Variants in C16orf78 observed in about 807,000 individuals in gnomAD.
C16orf78 encodes uncharacterized protein C16orf78.
Under a neutral mutation model 27.3 loss-of-function variants are expected in C16orf78, and 19 were observed. The ratio of observed to expected loss-of-function variants is 0.70; its 90% confidence interval spans 0.49 to 1.02. C16orf78 has a LOEUF of 1.02. Ranked by LOEUF, C16orf78 falls within the 50% of genes least tolerant of loss-of-function variation. The probability of loss-of-function intolerance (pLI) is 0.00; values close to 1 mark genes in which losing one functional copy is unlikely to be tolerated. For synonymous variants in C16orf78, 130 were observed against 116.1 expected, an observed-to-expected ratio of 1.12 and a Z score of -0.77; for missense variants, 339 against 337.0, an observed-to-expected ratio of 1.01 and a Z score of -0.05.
intron 1 of C16orf78, among the ~76,000 whole-genome samples, chr16:49,375,341 T>A (rs953516982): frequency 5.3e-5 from 8 of 150,786 alleles, no homozygotes; most frequent in Non-Finnish European, 8.9e-5. Flanking sequence ...AAAAAAAAAA[T>A]AAAAAAAAAT....
intron 3 of C16orf78, among the ~76,000 whole-genome samples, chr16:49,387,581 C>T (rs1452245125): frequency 1.3e-5 from 2 of 152,246 alleles, no homozygotes; most frequent in Middle Eastern, 3.4e-3. Context: ...GGGAGGAGTC[C>T]CTCCTCCTCA....
chr16:49,375,992 G>C (rs1965212107), intron 1 of C16orf78, among the ~76,000 whole-genome samples: 1 of 152,202 alleles, frequency 6.6e-6, no homozygotes, highest in South Asian at 2.1e-4. Flanking sequence ...TAGAGAGGGA[G>C]CAAGTTTACA....
rs375577383 is a variant in C16orf78, at chr16:49,395,701, T to C, written c.395-722T>C. On this transcript the variant is annotated intron_variant, in intron 3 of 4. Coordinates refer to ENST00000299191, the MANE Select transcript of C16orf78 (RefSeq NM_144602.4). ...CTGCCTGCGATCCTTTCCTTCCTTTTCTAACTGATCAACGATTCGCCCTTT... is the reference window on the plus strand; with the variant it reads ...CTGCCTGCGATCCTTTCCTTCCTTTCCTAACTGATCAACGATTCGCCCTTT... Among the ~76,000 whole-genome samples the C allele has an allele frequency of 6.9e-4, 105 of 152,324 alleles. 2 individuals are homozygous for C. Among genetic ancestry groups the C allele is most frequent in the African/African-American group, 2.4e-3 (99 of 41,580 alleles).
intron 3 of C16orf78, among the ~76,000 whole-genome samples, chr16:49,392,658 A>G (rs1474372922): frequency 6.6e-6 from 1 of 152,230 alleles, no homozygotes; most frequent in Non-Finnish European, 1.5e-5. Context: ...ATCTAGGGAG[A>G]ACCTGCTAAA....
At chr16:49,377,122 G>A (rs530484706) in intron 1 of C16orf78, among the ~76,000 whole-genome samples, 1 of 152,320 alleles carries the variant, frequency 6.6e-6, no homozygotes, top group African/African-American at 2.4e-5. Flanking sequence ...GCGAGAGCAG[G>A]AGGGCCAGGA....
chr16:49,377,981 A>G (rs1965241678), intron 2 of C16orf78, 131 bp downstream of exon 2: 1 of 1,262,776 alleles, frequency 7.9e-7, no homozygotes, highest in East Asian at 2.6e-5. Flanking sequence ...CTGGCCCCAC[A>G]TTAACACTCA....
chr16:49,381,719 A>G (rs1174518882), intron 3 of C16orf78, among the ~76,000 whole-genome samples: 3 of 150,812 alleles, frequency 2.0e-5, no homozygotes, highest in Non-Finnish European at 4.4e-5. Context: ...ATGAGATACC[A>G]TCTCACACCA....
intron 1 of C16orf78, among the ~76,000 whole-genome samples, chr16:49,374,760 G>A (rs564030348): frequency 2.6e-5 from 4 of 152,066 alleles, no homozygotes; most frequent in South Asian, 2.1e-4. Context: ...ACCCTACATC[G>A]AGCTAGTTCT....
intron 3 of C16orf78, among the ~76,000 whole-genome samples, chr16:49,388,484 A>AG (rs1300328799): frequency 6.6e-6 from 1 of 152,136 alleles, no homozygotes; most frequent in Non-Finnish European, 1.5e-5. Context: ...GTCATTCAGG[A>AG]GCAGGCTATT....
At position 49,378,519 on chromosome 16, in the gene C16orf78, A is replaced by T. The variant is rs775578028; in HGVS notation, c.320A>T (p.Tyr107Phe). The change falls in exon 3 of 5, where the codon TAT becomes TTT. Residue 107 changes from tyrosine to phenylalanine, a missense_variant. Transcript: ENST00000299191. The stretch of plus-strand genomic sequence containing the variant: ...GACGCCGCCTCCTACCGAAGCCTCT[A>T]TGGAGTGGAGCAAAAGGGGAAACAC... ...RKDAASYRSLYGVEQKGKHLS... is the reference protein window; with the variant it reads ...RKDAASYRSLFGVEQKGKHLS... 1 of 1,611,396 alleles carries T rather than the reference A, an allele frequency of 6.2e-7. No homozygotes were observed. Among genetic ancestry groups the T allele is most frequent in the Non-Finnish European group, 8.5e-7 (1 of 1,178,786 alleles).
rs529224771 is a variant in C16orf78, at chr16:49,374,769, C to T, written c.150+680C>T. Among the ~76,000 whole-genome samples, 3 of 152,298 alleles carry T rather than the reference C, an allele frequency of 2.0e-5. No individual in the cohort carries two copies. The East Asian group carries it at 5.8e-4, about 29-fold the overall frequency. ...TTTTCTACCCTACATCGAGCTAGTTCTAACCCACCCTTTCCTCTTTCTCCA... is the reference window on the plus strand; with the variant it reads ...TTTTCTACCCTACATCGAGCTAGTTTTAACCCACCCTTTCCTCTTTCTCCA... On this transcript the variant is annotated intron_variant, in intron 1 of 4. Transcript: ENST00000299191.
chr16:49,399,270 G>A lies in C16orf78; in HGVS notation c.790G>A (p.Ala264Thr), dbSNP rs532959767. Reference protein sequence around the residue: ...KKVFTGIPSMAL With the variant: ...KKVFTGIPSMTL ...GGTGTTCACCGGAATACCCAGCATG[G>A]CCCTCTAAATAGCTCCTCTCGCCAC... The change falls in exon 5 of 5, where the codon GCC becomes ACC. Residue 264 changes from alanine to threonine, a missense_variant. Coordinates refer to ENST00000299191, the MANE Select transcript of C16orf78 (RefSeq NM_144602.4). 13 of 1,614,058 alleles carry A rather than the reference G, an allele frequency of 8.1e-6. No individual in the cohort carries two copies. The South Asian group carries it at 1.2e-4, about 15-fold the overall frequency.
intron 3 of C16orf78, among the ~76,000 whole-genome samples, chr16:49,381,409 T>G (rs1425998817): frequency 1.3e-5 from 2 of 152,042 alleles, no homozygotes; most frequent in Non-Finnish European, 2.9e-5. Context: ...TGAATGGGAG[T>G]TCACTCATGA....
chr16:49,375,582 C>A (rs1965206220), intron 1 of C16orf78, among the ~76,000 whole-genome samples: 1 of 152,110 alleles, frequency 6.6e-6, no homozygotes, highest in Admixed American at 6.5e-5. Context: ...GAGAAAGTGC[C>A]CCTATGATCT....
At chr16:49,376,950 C>T (rs1215500281) in intron 1 of C16orf78, among the ~76,000 whole-genome samples, 1 of 152,016 alleles carries the variant, frequency 6.6e-6, no homozygotes, top group African/African-American at 2.4e-5. Flanking sequence ...AGAGGAGATC[C>T]AGTCTATTTA....
At chr16:49,375,915 G>A (rs1481315746) in intron 1 of C16orf78, among the ~76,000 whole-genome samples, 1 of 152,170 alleles carries the variant, frequency 6.6e-6, no homozygotes, top group East Asian at 1.9e-4. Context: ...ACCAGGATAA[G>A]ATTCTAATAA....
chr16:49,391,785 G>A (rs553221787), intron 3 of C16orf78, among the ~76,000 whole-genome samples: 6 of 152,122 alleles, frequency 3.9e-5, no homozygotes, highest in Non-Finnish European at 7.3e-5. Flanking sequence ...ACCTTGCATG[G>A]AAGAGGATCA....
At chr16:49,388,936 A>G (rs1469371834) in intron 3 of C16orf78, among the ~76,000 whole-genome samples, 2 of 152,252 alleles carry the variant, frequency 1.3e-5, no homozygotes, top group African/African-American at 4.8e-5. Flanking sequence ...CCGCAAAGGT[A>G]TAAAACAAAA....
At position 49,374,060 on chromosome 16, in the gene C16orf78, A is replaced by C. The variant is rs199703413; in HGVS notation, c.121A>C (p.Arg41=). ...LTCVLEWLER[R]QGKKKQAPEK... ...CTGTGTGCTGGAGTGGCTGGAGCGG[A>C]GGCAGGGGAAGAAGAAACAAGCTCC... Residue 41 remains arginine, a synonymous_variant, in exon 1 of 5, where the codon AGG becomes CGG. Coordinates refer to ENST00000299191, the MANE Select transcript of C16orf78 (RefSeq NM_144602.4). 2 of 1,614,134 alleles carry C rather than the reference A, an allele frequency of 1.2e-6. No homozygotes were observed. Among genetic ancestry groups the C allele is most frequent in the African/African-American group, 2.7e-5 (2 of 75,034 alleles).
Sources: gnomAD v4.1 joint callset for allele counts (sites outside exome capture counted in the v4.1 genomes callset) on GRCh38, gnomAD v4.1.1 for gene constraint, MANE v1.5 for transcripts, NCBI Gene and HGNC (gene_info 2026-07-23, HGNC 2026-07-21) for gene names.